The following ZNF10 variants were observed in gnomAD, a reference collection of about 807,000 sequenced individuals.
ZNF10 encodes the protein zinc finger protein 10, also known as zinc finger protein 10 (KOX 1).
ZNF10 carries 8 observed loss-of-function variants against 12.2 expected under a neutral mutation model. The ratio of observed to expected loss-of-function variants is 0.66; its 90% CI spans 0.39 to 1.18. The LOEUF is 1.18. ZNF10 is among the 50% of genes most tolerant of loss of function. The pLI, the probability that ZNF10 is intolerant of heterozygous loss-of-function variation, is 0.01. For synonymous variants in ZNF10, 229 were observed against 228.2 expected (o/e 1.00, Z -0.03); for missense variants, 603 against 678.9 (o/e 0.89, Z 1.24).
chr12:133,140,529 T>C (rs1955939422), intron 1 of ZNF10, among the ~76,000 whole-genome samples: 1 of 151,610 alleles, frequency 6.6e-6, no homozygotes, highest in African/African-American at 2.4e-5. Context: ...CCCTATGAGG[T>C]CAATACTATT....
chr12:133,149,148 G>A (rs150815864), intron 2 of ZNF10, among the ~76,000 whole-genome samples: 1 of 152,092 alleles, frequency 6.6e-6, no homozygotes, highest in Non-Finnish European at 1.5e-5. Flanking sequence ...CTGGAGTGCA[G>A]TGGTGCTATC....
intron 1 of ZNF10, chr12:133,139,147 G>T (rs1463070369): frequency 6.6e-6 from 1 of 152,230 alleles, no homozygotes; most frequent in Non-Finnish European, 1.5e-5. Context: ...TCAGCTAATT[G>T]TGGATCTCTC....
At chr12:133,135,860 G>A (rs145613032) in intron 1 of ZNF10, among the ~76,000 whole-genome samples, 2 of 152,304 alleles carry the variant, frequency 1.3e-5, no homozygotes, top group East Asian at 3.9e-4. Flanking sequence ...TTCAGGCAGC[G>A]AGTGCTGCTT....
intron 1 of ZNF10, chr12:133,139,330 T>G (rs1429507177): frequency 6.6e-6 from 1 of 152,222 alleles, no homozygotes. Context: ...GAAGAACATA[T>G]CTGGCTTAGG....
intron 1 of ZNF10, among the ~76,000 whole-genome samples, chr12:133,132,511 T>TC (rs1955886602): frequency 6.6e-6 from 1 of 151,908 alleles, no homozygotes; most frequent in Admixed American, 6.6e-5. Context: ...AGAGCGAAAC[T>TC]CCGTCTCAAA....
chr12:133,151,778 T>TA (rs761011215), intron 3 of ZNF10, 31 bp from the exon 4 acceptor site: 4 of 1,592,796 alleles, frequency 2.5e-6, no homozygotes, highest in East Asian at 2.2e-5. Context: ...CCCTGACTCT[T>TA]ACCCTGTTCT....
rs188575842 is a variant in ZNF10 at position 133,137,016 on chromosome 12, C to T, written c.-60+6262C>T. On this transcript the variant is annotated intron_variant, in intron 1 of 4. Coordinates refer to ENST00000248211, the MANE Select transcript of ZNF10 (RefSeq NM_015394.5). Reference sequence around the variant, plus strand: ...AACCAATCGCATCATTTCTCTAGTACGTAACCCTTCTGATATTGTTCTCCA... The same window carrying T: ...AACCAATCGCATCATTTCTCTAGTATGTAACCCTTCTGATATTGTTCTCCA... Among the ~76,000 whole-genome samples the T allele has an allele frequency of 5.3e-4, 81 of 152,254 alleles. No individual in the cohort carries two copies. In the East Asian group the frequency reaches 6.8e-3, roughly 13 times the overall value.
At chr12:133,133,035 TATTA>T (rs773250754) in intron 1 of ZNF10, among the ~76,000 whole-genome samples, 2 of 152,218 alleles carry the variant, frequency 1.3e-5, no homozygotes, top group African/African-American at 4.8e-5. Flanking sequence ...ACGTATGTAT[TATTA>T]ATTAGAATTC....
chr12:133,156,727 G>C lies in ZNF10; in HGVS notation c.1481G>C (p.Cys494Ser). 6.2e-7 allele frequency: 1 copy of C among 1,612,202 alleles called. No individual in the cohort carries two copies. The highest frequency in any genetic ancestry group is 8.5e-7 in the Non-Finnish European group (1 of 1,179,318). The change falls in exon 5 of 5, where the codon TGT (cysteine) becomes TCT (serine). Residue 494 changes from cysteine to serine, a missense_variant. Cys to Ser is a moderately radical substitution (Grantham distance 112, BLOSUM62 -1). This residue lies in a region of ZNF10 where 204 missense variants were observed against 262.8 expected (regional missense o/e 0.78). Transcript: ENST00000248211. ...TGEKPYECCQCGKAFIRKNDL... is the reference protein window; with the variant it reads ...TGEKPYECCQSGKAFIRKNDL... ...GAGAAACCATATGAATGCTGTCAGT[G>C]TGGGAAAGCCTTCATCCGGAAGAAT... is the stretch of plus-strand genomic sequence containing the variant.
rs143421177 is a variant in ZNF10 at position 133,137,738 on chromosome 12, A to G, written c.-59-6696A>G. Among the ~76,000 whole-genome samples the G allele has an allele frequency of 2.5e-3, 382 of 152,340 alleles. 1 individual carries two copies. Among genetic ancestry groups the G allele is most frequent in the Non-Finnish European group, 4.6e-3 (311 of 68,030 alleles). On this transcript the variant is annotated intron_variant, in intron 1 of 4. Coordinates refer to ENST00000248211, the MANE Select transcript of ZNF10 (RefSeq NM_015394.5). ...CACATTTCTATCTTCAAGGCCTGGT[A>G]CAGAGCTAGGAATATAAGTGTTCGG...
At chr12:133,147,608 G>T (rs369061492) in intron 2 of ZNF10, among the ~76,000 whole-genome samples, 9 of 117,102 alleles carry the variant, frequency 7.7e-5, no homozygotes, top group Non-Finnish European at 8.5e-5. Context: ...TGTTTTCTGA[G>T]TTTTTTTTTT....
At chr12:133,136,741 T>A (rs992135532) in intron 1 of ZNF10, among the ~76,000 whole-genome samples, 2 of 152,218 alleles carry the variant, frequency 1.3e-5, no homozygotes, top group Non-Finnish European at 2.9e-5. Context: ...TTCATGTGTT[T>A]ACTTCACCTA....
Position 133,158,245 on chromosome 12 carries a change from T to C in ZNF10, c.*1277T>C, listed in dbSNP as rs1956053814. On this transcript the variant is annotated 3_prime_UTR_variant, in exon 5 of 5. Transcript: ENST00000248211. Reference sequence around the variant, plus strand: ...TTAGAATAGTGCCTGACATATATTATGTTCTCTGTAGTTACTGGCTGTGAT... The same window carrying C: ...TTAGAATAGTGCCTGACATATATTACGTTCTCTGTAGTTACTGGCTGTGAT... 6.6e-6 allele frequency: 1 copy of C among 152,238 alleles called. No homozygotes were observed. Among genetic ancestry groups the C allele is most frequent in the Non-Finnish European group, 1.5e-5 (1 of 68,022 alleles). 9.4% of individuals were successfully genotyped at this position (152,238 alleles called of 1,614,324 possible).
chr12:133,154,432 T>G (rs1956027127), intron 4 of ZNF10, among the ~76,000 whole-genome samples: 1 of 152,080 alleles, frequency 6.6e-6, no homozygotes, highest in African/African-American at 2.4e-5. Context: ...ATGAGAAGAA[T>G]GATGATGATT....
chr12:133,151,931 G>T, intron 4 of ZNF10, 27 bp downstream of exon 4: 1 of 1,596,258 alleles, frequency 6.3e-7, no homozygotes, highest in South Asian at 1.1e-5. Flanking sequence ...AGTTGTCATA[G>T]GCAGCAGCCC....
intron 1 of ZNF10, among the ~76,000 whole-genome samples, chr12:133,133,845 T>C (rs752301345): frequency 6.6e-6 from 1 of 152,142 alleles, no homozygotes; most frequent in Non-Finnish European, 1.5e-5. Flanking sequence ...GCAGCCAAAA[T>C]AATGGCTCCC....
chr12:133,144,572 C>CT, intron 2 of ZNF10, 47 bp downstream of exon 2: 2 of 1,566,180 alleles, frequency 1.3e-6, no homozygotes, highest in Non-Finnish European at 1.8e-6. Context: ...TTCCTTTTTG[C>CT]TTTAGTTCCT....
At chr12:133,134,690 T>C (rs1424706966) in intron 1 of ZNF10, among the ~76,000 whole-genome samples, 2 of 152,222 alleles carry the variant, frequency 1.3e-5, no homozygotes, top group Non-Finnish European at 2.9e-5. Flanking sequence ...TCTCCCTTTC[T>C]CTGGCACTAT....
chr12:133,136,448 C>G (rs1425520072), intron 1 of ZNF10, among the ~76,000 whole-genome samples: 2 of 152,182 alleles, frequency 1.3e-5, no homozygotes, highest in Admixed American at 6.5e-5. Flanking sequence ...TTTTGATCTA[C>G]CCATCCTTGA....
Sources: gnomAD v4.1 joint callset for allele counts (sites outside exome capture counted in the v4.1 genomes callset) on GRCh38, gnomAD v4.1.1 for gene constraint, gnomAD v4.1.1 regional missense constraint, MANE v1.5 for transcripts, NCBI Gene and HGNC (gene_info 2026-07-23, HGNC 2026-07-21) for gene names.